NAV2: variants seen among roughly 807,000 people sequenced by gnomAD.
NAV2 encodes the protein helicase, APC down-regulated 1.
NAV2 carries 54 observed loss-of-function variants against 223.2 expected under a neutral mutation model. That is an observed-to-expected ratio of 0.24 (90% confidence interval 0.19 to 0.30). The LOEUF (loss-of-function observed/expected upper bound fraction) is 0.30. Among genes scored for constraint, NAV2 ranks in the 10% least tolerant of loss-of-function variants. The pLI, the probability that NAV2 is intolerant of heterozygous loss-of-function variation, is 1.00. For missense variants in NAV2, 2,806 were observed against 3,147.5 expected, an observed-to-expected ratio of 0.89 and a Z score of 2.60; for synonymous variants, 1,279 against 1,239.3, an observed-to-expected ratio of 1.03 and a Z score of -0.67.
At chr11:19,949,409 G>C (rs574833114) in intron 10 of NAV2, among the ~76,000 whole-genome samples, 1 of 152,224 alleles carries the variant, frequency 6.6e-6, no homozygotes, top group Non-Finnish European at 1.5e-5. Flanking sequence ...GATCTGGCCT[G>C]TACCTGCCTC....
intron 1 of NAV2, among the ~76,000 whole-genome samples, chr11:19,660,948 T>G (rs536157871): frequency 1.3e-5 from 2 of 152,282 alleles, no homozygotes; most frequent in Non-Finnish European, 2.9e-5. Context: ...ATATATAACA[T>G]GACATTTACC....
At chr11:19,912,610 T>A (rs778428969) in intron 6 of NAV2, among the ~76,000 whole-genome samples, 3 of 152,186 alleles carry the variant, frequency 2.0e-5, no homozygotes, top group Non-Finnish European at 4.4e-5. Flanking sequence ...ATGAAGACCG[T>A]CCTTTAGTGT....
At chr11:19,424,343 G>A (rs1459092214) in intron 1 of NAV2, among the ~76,000 whole-genome samples, 4 of 152,166 alleles carry the variant, frequency 2.6e-5, no homozygotes, top group Non-Finnish European at 5.9e-5. Context: ...GAGGCTGTAA[G>A]AGAGGAATTA....
At chr11:20,051,359 G>C (rs2057990294) in intron 17 of NAV2, 26 bp downstream of exon 17, 3 of 1,611,388 alleles carry the variant, frequency 1.9e-6, no homozygotes, top group Non-Finnish European at 8.5e-7. Flanking sequence ...CCTTGCATCT[G>C]TGCCATCTGT....
intron 10 of NAV2, among the ~76,000 whole-genome samples, chr11:19,980,260 C>T (rs1166898501): frequency 6.6e-6 from 1 of 152,168 alleles, no homozygotes; most frequent in African/African-American, 2.4e-5. Context: ...GCCGCCTCCA[C>T]CCACCTATCA....
At chr11:19,482,855 G>T (rs2042323065) in intron 1 of NAV2, among the ~76,000 whole-genome samples, 1 of 152,170 alleles carries the variant, frequency 6.6e-6, no homozygotes, top group South Asian at 2.1e-4. Context: ...TGCTGGAGAG[G>T]TATGGGGACT....
intron 6 of NAV2, among the ~76,000 whole-genome samples, chr11:19,918,291 A>G (rs1332848307): frequency 1.3e-5 from 2 of 152,220 alleles, no homozygotes; most frequent in African/African-American, 4.8e-5. Flanking sequence ...TTTGTCTCAA[A>G]CTACTGGTAT....
intron 4 of NAV2, among the ~76,000 whole-genome samples, chr11:19,869,960 C>T (rs545751181): frequency 1.2e-4 from 19 of 152,210 alleles, no homozygotes; most frequent in Non-Finnish European, 1.6e-4. Flanking sequence ...TTCCTGGCTG[C>T]GTTTCTGAGT....
intron 1 of NAV2, chr11:19,507,226 T>G (rs2043148551): frequency 6.6e-6 from 1 of 152,192 alleles, no homozygotes; most frequent in African/African-American, 2.4e-5. Context: ...TCTGTATGTA[T>G]GTATAAAGTT....
intron 19 of NAV2, chr11:20,056,501 G>T: frequency 6.6e-7 from 1 of 1,508,118 alleles, no homozygotes; most frequent in South Asian, 1.1e-5. Context: ...TTTGGGGTTG[G>T]ATTTTTATGT....
At chr11:19,778,152 C>T (rs1231576056) in intron 1 of NAV2, among the ~76,000 whole-genome samples, 1 of 152,144 alleles carries the variant, frequency 6.6e-6, no homozygotes, top group Non-Finnish European at 1.5e-5. Flanking sequence ...TCCTTGCTGC[C>T]CAAAGAAGCC....
intron 1 of NAV2, among the ~76,000 whole-genome samples, chr11:19,361,542 C>T (rs866515751): frequency 3.9e-5 from 6 of 152,104 alleles, no homozygotes; most frequent in Middle Eastern, 3.4e-3. Context: ...GCCAAAGTTC[C>T]GGGCTCTAAA....
In NAV2 at chr11:20,054,173, T is replaced by C. The variant is rs1156995353; in HGVS notation, c.4575T>C (p.Asn1525=). The change falls in exon 18 of 38, where the codon AAT becomes AAC. Residue 1525 remains asparagine (N), a synonymous_variant. Transcript: ENST00000349880. The part of the protein sequence containing the change: ...SAGGLQDTAA[N]SPFSSGSSVT... ...GAGGCCTTCAGGACACCGCTGCCAA[T>C]TCCCCCTTTTCCTCTGGCTCCAGCG... 1 of 1,613,706 alleles carries C rather than the reference T, an allele frequency of 6.2e-7. No homozygotes were observed.
Position 20,036,871 on chromosome 11 carries a change from A to G in NAV2, c.2907+774A>G, listed in dbSNP as rs188410709. On this transcript the variant is annotated intron_variant, in intron 12 of 37. Coordinates refer to ENST00000349880, the MANE Select transcript of NAV2 (RefSeq NM_145117.5). ...TCCTTAAATTACCTGCCTGACCCCA[A>G]GGCACTGGAGTTTTCCATTCCTACT... 1.3e-3 allele frequency among the ~76,000 whole-genome samples: 201 copies of G among 152,212 alleles called. 1 individual carries two copies. Among genetic ancestry groups the G allele is most frequent in the Non-Finnish European group, 2.3e-3 (157 of 68,016 alleles).
At chr11:19,956,188 C>T (rs190557951) in intron 10 of NAV2, among the ~76,000 whole-genome samples, 98 of 152,214 alleles carry the variant, frequency 6.4e-4, no homozygotes, top group African/African-American at 2.0e-3. Flanking sequence ...TGGAAAGTCT[C>T]TCTTCCCAAC....
rs10524489 is a variant in NAV2, at chr11:19,897,886, T to TTATATATATATATATATATATATATA, written c.931+5311_931+5312insATATATATATATATATATATATATAT. Among the ~76,000 whole-genome samples the TTATATATATATATATATATATATATA allele has an allele frequency of 1.0e-3, 126 of 120,632 alleles. 5 individuals are homozygous for TTATATATATATATATATATATATATA. The highest frequency in any genetic ancestry group is 5.1e-3 in the East Asian group (15 of 2,916). The allele number at this position is 120,632 out of a possible 152,430, so 79.1% of individuals were successfully genotyped here. ...GCCACAGCTGTGCCTGACCTGTGATTTATATATATATATATATATGTGAGC... is the reference window on the plus strand; with the variant it reads ...GCCACAGCTGTGCCTGACCTGTGATTTATATATATATATATATATATATATATATATATATATATATATATGTGAGC... On this transcript the variant is annotated intron_variant, in intron 6 of 37. Coordinates refer to ENST00000349880, the MANE Select transcript of NAV2 (RefSeq NM_145117.5).
intron 5 of NAV2, among the ~76,000 whole-genome samples, chr11:19,887,469 T>C (rs1692690538): frequency 6.6e-6 from 1 of 152,128 alleles, no homozygotes; most frequent in Non-Finnish European, 1.5e-5. Context: ...AATGATTTGA[T>C]CTCTATGAGC....
At chr11:19,472,660 C>T (rs2041999972) in intron 1 of NAV2, among the ~76,000 whole-genome samples, 1 of 152,108 alleles carries the variant, frequency 6.6e-6, no homozygotes, top group Non-Finnish European at 1.5e-5. Context: ...TTGTAAACTC[C>T]TGGCCCCTAG....
intron 32 of NAV2, among the ~76,000 whole-genome samples, chr11:20,102,208 G>A (rs1043288308): frequency 2.6e-5 from 4 of 152,148 alleles, no homozygotes; most frequent in African/African-American, 9.7e-5. Flanking sequence ...CAGAGATCAC[G>A]GTGAAGAGGG....
Sources: gnomAD v4.1 joint callset for allele counts (sites outside exome capture counted in the v4.1 genomes callset) on GRCh38, gnomAD v4.1.1 for gene constraint, MANE v1.5 for transcripts, NCBI Gene and HGNC (gene_info 2026-07-23, HGNC 2026-07-21) for gene names.